The following TYW1B variants were observed in gnomAD, a reference collection of about 807,000 sequenced individuals.
TYW1B encodes the protein tRNA-yW synthesizing protein 1 homolog B.
A neutral mutation model predicts 86.9 loss-of-function variants in TYW1B; 73 were observed. The observed-to-expected ratio is 0.84, with a 90% confidence interval of 0.70 to 1.02. TYW1B has a LOEUF of 1.02. Ranked by LOEUF, TYW1B falls within the 50% of genes least tolerant of loss-of-function variation. The probability of loss-of-function intolerance (pLI) is 0.00; values close to 1 mark genes in which losing one functional copy is unlikely to be tolerated. For synonymous variants in TYW1B, 248 were observed against 292.8 expected, an observed-to-expected ratio of 0.85 and a Z score of 1.56; for missense variants, 637 against 827.4, an observed-to-expected ratio of 0.77 and a Z score of 2.82.
intron 11 of TYW1B, among the ~76,000 whole-genome samples, chr7:72,677,358 G>A (rs1266789857): frequency 6.6e-6 from 1 of 151,848 alleles, no homozygotes; most frequent in African/African-American, 2.4e-5. Context: ...ATGTTGCTCA[G>A]GCTGGTCTCA....
At chr7:72,711,451 C>A (rs1462992673) in intron 10 of TYW1B, among the ~76,000 whole-genome samples, 1 of 124,212 alleles carries the variant, frequency 8.1e-6, no homozygotes, top group African/African-American at 3.0e-5. Context: ...AGCAGCCCTT[C>A]GTGTTTCTCT....
Position 72,626,127 on chromosome 7 carries a change from C to T in TYW1B, c.1617+2760G>A, listed in dbSNP as rs548845976. Among the ~76,000 whole-genome samples, 25 of 151,338 alleles carry T rather than the reference C, an allele frequency of 1.7e-4. No individual in the cohort carries two copies. The South Asian group carries it at 4.9e-3, about 29-fold the overall frequency. On this transcript the variant is annotated intron_variant, in intron 12 of 13. Transcript: ENST00000620995. ...CATTAGAGCTCCTGCCAAGAGTAGC[C>T]TTTTGAAATTAAGTGCAATTTCAAG... is the stretch of plus-strand genomic sequence containing the variant.
intron 11 of TYW1B, among the ~76,000 whole-genome samples, chr7:72,650,941 A>G (rs1349641860): frequency 6.6e-6 from 1 of 152,232 alleles, no homozygotes; most frequent in Non-Finnish European, 1.5e-5. Context: ...ATTCTAATCA[A>G]TATCTCAAAG....
chr7:72,802,089 C>T (rs6971812), intron 6 of TYW1B, among the ~76,000 whole-genome samples: 103,870 of 151,002 alleles, frequency 0.69, 36,595 homozygotes, highest in Non-Finnish European at 0.77. Flanking sequence ...ATTTTATGTG[C>T]GGCCCAAGAC....
chr7:72,632,317 TA>T lies in TYW1B; in HGVS notation c.1507-3321del, dbSNP rs1405916789. Among the ~76,000 whole-genome samples the T allele has an allele frequency of 1.3e-3, 122 of 93,564 alleles. 6 individuals carry two copies. Among genetic ancestry groups the T allele is most frequent in the African/African-American group, 6.4e-3 (120 of 18,686 alleles). 61.4% of individuals were successfully genotyped at this position (93,564 alleles called of 152,430 possible). A position where few individuals can be genotyped will look rare whatever the true frequency, so the allele number is the denominator to read the frequency against. ...TATATATACGTGTATATATATTATA[TA>T]TATTATATATATATACACGTATATA... On this transcript the variant is annotated intron_variant, in intron 11 of 13. Transcript: ENST00000620995.
intron 3 of TYW1B, among the ~76,000 whole-genome samples, chr7:72,813,357 G>A (rs1788660514): frequency 6.6e-6 from 1 of 151,978 alleles, no homozygotes; most frequent in Non-Finnish European, 1.5e-5. Context: ...TGTATTTTTA[G>A]TAAAGACGTG....
At chr7:72,578,416 T>G (rs1319792934) in intron 13 of TYW1B, among the ~76,000 whole-genome samples, 3 of 152,054 alleles carry the variant, frequency 2.0e-5, no homozygotes, top group Non-Finnish European at 4.4e-5. Flanking sequence ...CACCCAGCCC[T>G]TCCTCACCTC....
At chr7:72,721,565 T>C (rs1393172699) in intron 9 of TYW1B, among the ~76,000 whole-genome samples, 2 of 152,052 alleles carry the variant, frequency 1.3e-5, no homozygotes, top group Non-Finnish European at 2.9e-5. Flanking sequence ...ACAGGACATT[T>C]CAACAGCAAA....
intron 10 of TYW1B, among the ~76,000 whole-genome samples, chr7:72,711,855 C>CTTTTTTTT (rs71069101): frequency 6.8e-6 from 1 of 147,290 alleles, no homozygotes; most frequent in Non-Finnish European, 1.5e-5. Context: ...TCAAAAAGAT[C>CTTTTTTTT]TTTTTTTTTT....
intron 13 of TYW1B, among the ~76,000 whole-genome samples, chr7:72,583,082 G>C (rs1811195065): frequency 6.6e-6 from 1 of 152,210 alleles, no homozygotes; most frequent in Admixed American, 6.6e-5. Flanking sequence ...ATAATAAGCG[G>C]CCAGGCATGG....
intron 13 of TYW1B, among the ~76,000 whole-genome samples, chr7:72,597,627 T>C (rs1811569005): frequency 6.6e-6 from 1 of 151,890 alleles, no homozygotes; most frequent in Non-Finnish European, 1.5e-5. Flanking sequence ...GGCAAGACAA[T>C]TAAGAAAAGA....
intron 6 of TYW1B, among the ~76,000 whole-genome samples, chr7:72,793,225 T>G (rs1188600650): frequency 6.6e-6 from 1 of 151,692 alleles, no homozygotes; most frequent in African/African-American, 2.4e-5. Context: ...TAATCCCAGC[T>G]ACTCGGGAGG....
At chr7:72,751,092 C>T (rs1039652876) in intron 7 of TYW1B, among the ~76,000 whole-genome samples, 3 of 150,356 alleles carry the variant, frequency 2.0e-5, no homozygotes, top group African/African-American at 7.4e-5. Flanking sequence ...GGCTGAAGTG[C>T]GGTGGTATGA....
At chr7:72,632,392 A>ATATAT (rs1812539860) in intron 11 of TYW1B, among the ~76,000 whole-genome samples, 1 of 103,984 alleles carries the variant, frequency 9.6e-6, no homozygotes, top group African/African-American at 5.1e-5. Flanking sequence ...ATATACGTAT[A>ATATAT]TATATATAAT....
rs1440461830 is a variant in TYW1B, at chr7:72,795,764, T to TATA, written c.846+6635_846+6636insTAT. ...ATATTTTGAGACACTGAGTATCTAT[T>TATA]CCCCAAAGACATTTCACACAATCCT... On this transcript the variant is annotated intron_variant, in intron 6 of 13. Transcript: ENST00000620995. 4.5e-5 allele frequency among the ~76,000 whole-genome samples: 5 copies of TATA among 110,732 alleles called. No homozygotes were observed. The East Asian group carries it at 1.4e-3, about 30-fold the overall frequency. The allele number at this position is 110,732 out of a possible 152,430, so 72.6% of individuals were successfully genotyped here.
Position 72,694,872 on chromosome 7 carries a change from A to G in TYW1B, c.1371-50T>C, listed in dbSNP as rs782148971. ...AAGAAAGAAAAATTATTCCTCTATC[A>G]GGCTTTCCATGATATAAAACCTGTA... On this transcript the variant is annotated intron_variant, in intron 10 of 13. Coordinates refer to ENST00000620995, the MANE Select transcript of TYW1B (RefSeq NM_001145440.3). 6 of 1,573,204 alleles carry G rather than the reference A, an allele frequency of 3.8e-6. 1 individual carries two copies. In the South Asian group the frequency reaches 7.3e-5, roughly 19 times the overall value.
chr7:72,789,565 G>A (rs1438354276), intron 6 of TYW1B, among the ~76,000 whole-genome samples: 1 of 152,178 alleles, frequency 6.6e-6, no homozygotes, highest in Admixed American at 6.6e-5. Flanking sequence ...GCTAAAACAA[G>A]AGAAAGATGC....
At chr7:72,723,327 G>A (rs1161145919) in intron 9 of TYW1B, among the ~76,000 whole-genome samples, 6 of 152,112 alleles carry the variant, frequency 3.9e-5, no homozygotes, top group East Asian at 1.9e-4. Context: ...AGGCCAAAGT[G>A]GAGATACCAG....
At chr7:72,668,382 G>C (rs1301888189) in intron 11 of TYW1B, among the ~76,000 whole-genome samples, 2 of 152,206 alleles carry the variant, frequency 1.3e-5, no homozygotes, top group African/African-American at 4.8e-5. Context: ...TAGAATCACA[G>C]AATTATTTAA....
Sources: allele counts gnomAD v4.1 joint callset (sites outside exome capture counted in the v4.1 genomes callset), GRCh38; gene constraint gnomAD v4.1.1; transcripts MANE v1.5; gene names NCBI Gene and HGNC (gene_info 2026-07-23, HGNC 2026-07-21).